Variants in PTPRT observed in about 807,000 individuals in gnomAD.
The protein encoded by PTPRT is receptor-type tyrosine-protein phosphatase T.
Under a neutral mutation model 176.8 loss-of-function variants are expected in PTPRT, and 56 were observed. The ratio of observed to expected loss-of-function variants is 0.32; its 90% confidence interval spans 0.26 to 0.40. The LOEUF is 0.40. Ranked by LOEUF, PTPRT falls within the 10% of genes least tolerant of loss-of-function variation. PTPRT has a pLI of 1.00. For missense variants in PTPRT, 1,540 were observed against 1,908.2 expected (o/e 0.81, Z 3.60); for synonymous variants, 783 against 739.0 (o/e 1.06, Z -0.96).
intron 2 of PTPRT, among the ~76,000 whole-genome samples, chr20:42,850,659 A>G (rs1444390305): frequency 6.6e-6 from 1 of 152,146 alleles, no homozygotes; most frequent in Non-Finnish European, 1.5e-5. Flanking sequence ...TGGCACTTAC[A>G]CATTCCTTTG....
chr20:42,992,781 C>A (rs1983991933), intron 1 of PTPRT, among the ~76,000 whole-genome samples: 1 of 152,182 alleles, frequency 6.6e-6, no homozygotes, highest in Admixed American at 6.5e-5. Flanking sequence ...GTCACTGGCA[C>A]AACTGCAATC....
At chr20:42,333,539 G>A (rs1314740313) in intron 11 of PTPRT, among the ~76,000 whole-genome samples, 1 of 152,022 alleles carries the variant, frequency 6.6e-6, no homozygotes, top group Non-Finnish European at 1.5e-5. Flanking sequence ...TCACCATGTT[G>A]GCCAGAATGG....
At chr20:42,036,815 G>A in the PTPRT span, among the ~76,000 whole-genome samples, 35 of 152,268 alleles carry the variant, frequency 2.3e-4, no homozygotes, top group African/African-American at 7.0e-4. Context: ...GAGAGCAGAG[G>A]ACAAACCTAT....
chr20:42,177,984 C>G (rs1051185464), intron 16 of PTPRT, among the ~76,000 whole-genome samples: 1 of 151,648 alleles, frequency 6.6e-6, no homozygotes, highest in Non-Finnish European at 1.5e-5. Context: ...TTCGCCCAGG[C>G]TAGAGTGCAG....
chr20:42,597,748 T>C (rs530143464), intron 7 of PTPRT, among the ~76,000 whole-genome samples: 1 of 152,296 alleles, frequency 6.6e-6, no homozygotes, highest in African/African-American at 2.4e-5. Context: ...CTTTTCTTTA[T>C]AAATTACCCA....
intron 1 of PTPRT, among the ~76,000 whole-genome samples, chr20:42,889,118 C>G (rs539906058): frequency 6.6e-6 from 1 of 152,212 alleles, no homozygotes; most frequent in East Asian, 1.9e-4. Context: ...TAGGTAGACA[C>G]TCAGCTGATA....
intron 1 of PTPRT, among the ~76,000 whole-genome samples, chr20:42,915,941 A>ATTGTTG (rs1010454486): frequency 6.6e-6 from 1 of 151,076 alleles, no homozygotes; most frequent in Non-Finnish European, 1.5e-5. Context: ...TGAGTGCCCA[A>ATTGTTG]TTGTTGTTGT....
intron 2 of PTPRT, among the ~76,000 whole-genome samples, chr20:42,793,039 G>T (rs1383227058): frequency 6.6e-6 from 1 of 151,654 alleles, no homozygotes; most frequent in African/African-American, 2.4e-5. Flanking sequence ...CCCTCCAACT[G>T]TGCCCAGATC....
At chr20:42,542,024 A>C (rs911017083) in intron 7 of PTPRT, among the ~76,000 whole-genome samples, 1 of 152,198 alleles carries the variant, frequency 6.6e-6, no homozygotes, top group Admixed American at 6.5e-5. Flanking sequence ...TGTTCTCGTA[A>C]TTGTGAATAA....
intron 16 of PTPRT, among the ~76,000 whole-genome samples, chr20:42,184,537 CTTCCT>C (rs1568652111): frequency 2.0e-4 from 21 of 102,938 alleles, no homozygotes; most frequent in African/African-American, 8.1e-4. Context: ...TCTTCTTCCT[CTTCCT>C]CTTCTTCTTC....
chr20:43,116,771 T>C (rs1332927516), intron 1 of PTPRT, among the ~76,000 whole-genome samples: 2 of 152,220 alleles, frequency 1.3e-5, no homozygotes, highest in Admixed American at 1.3e-4. Context: ...TTTTTGTTCA[T>C]GTCTACATTT....
At chr20:42,923,336 CAGA>C (rs1979277383) in intron 1 of PTPRT, among the ~76,000 whole-genome samples, 1 of 152,200 alleles carries the variant, frequency 6.6e-6, no homozygotes, top group African/African-American at 2.4e-5. Context: ...ACTGTATACT[CAGA>C]AGAAGAAGAC....
At chr20:42,705,326 G>C (rs1186707415) in intron 6 of PTPRT, among the ~76,000 whole-genome samples, 1 of 151,998 alleles carries the variant, frequency 6.6e-6, no homozygotes, top group Admixed American at 6.6e-5. Flanking sequence ...CGAGAAAGGA[G>C]TCAGCGAAGG....
Position 42,115,120 on chromosome 20 carries a change from C to T in PTPRT, c.3099+79G>A, listed in dbSNP as rs1015340005. 12 of 1,044,198 alleles carry T rather than the reference C, an allele frequency of 1.1e-5. No individual in the cohort carries two copies. The African/African-American group carries it at 1.4e-4, about 12-fold the overall frequency. 64.7% of individuals were successfully genotyped at this position (1,044,198 alleles called of 1,614,324 possible). On this transcript the variant is annotated intron_variant, in intron 22 of 30. Transcript: ENST00000373187. ...TGGGGCTGGACGTAGAGCAGACCCT[C>T]AGTTACCACATGTTCTGGATGAACA...
chr20:42,644,778 A>G (rs1373044303), intron 7 of PTPRT, among the ~76,000 whole-genome samples: 1 of 152,158 alleles, frequency 6.6e-6, no homozygotes, highest in Non-Finnish European at 1.5e-5. Context: ...ACCTGGGATA[A>G]TGATCAGCAA....
At chr20:42,371,947 C>T (rs924887641) in intron 9 of PTPRT, among the ~76,000 whole-genome samples, 1 of 152,192 alleles carries the variant, frequency 6.6e-6, no homozygotes, top group South Asian at 2.1e-4. Flanking sequence ...GTAGGTTGGT[C>T]CAGAATGTAG....
chr20:42,337,488 T>C (rs1256802425), intron 11 of PTPRT, among the ~76,000 whole-genome samples: 1 of 152,130 alleles, frequency 6.6e-6, no homozygotes, highest in Admixed American at 6.5e-5. Flanking sequence ...GAAAGGATGC[T>C]TGGTATCCTC....
chr20:42,128,843 C>G lies in PTPRT; in HGVS notation c.2771-13G>C. The G allele has an allele frequency of 6.3e-7, 1 of 1,596,052 alleles. No individual in the cohort carries two copies. The highest frequency in any genetic ancestry group is 1.1e-5 in the South Asian group (1 of 87,968). ...CGGGAATGGTCGTCTGCAGAGAGAG[C>G]AGAAATCAAGGGGATGGTTGATAAG... On this transcript the variant is annotated splice_polypyrimidine_tract_variant and intron_variant, in intron 18 of 30. Transcript: ENST00000373187.
chr20:42,436,559 C>G (rs549918170), intron 9 of PTPRT, among the ~76,000 whole-genome samples: 1 of 152,280 alleles, frequency 6.6e-6, no homozygotes, highest in African/African-American at 2.4e-5. Flanking sequence ...GGTTTGAAAT[C>G]ATAGGCACTC....
Sources: gnomAD v4.1 joint callset for allele counts (sites outside exome capture counted in the v4.1 genomes callset) on GRCh38, gnomAD v4.1.1 for gene constraint, MANE v1.5 for transcripts, NCBI Gene and HGNC (gene_info 2026-07-23, HGNC 2026-07-21) for gene names.